IRAG1: variants seen among roughly 807,000 people sequenced by gnomAD.
IRAG1 encodes IP3R-associated cGMP kinase substrate.
A neutral mutation model predicts 106.2 loss-of-function variants in IRAG1; 62 were observed. The observed-to-expected ratio is 0.58, with a 90% CI of 0.48 to 0.72. IRAG1 has a LOEUF of 0.72. Among genes scored for constraint, IRAG1 ranks in the 30% least tolerant of loss-of-function variants. IRAG1 has a pLI of 0.00. For missense variants in IRAG1, 1,064 were observed against 1,140.7 expected, an observed-to-expected ratio of 0.93 and a Z score of 0.97; for synonymous variants, 462 against 443.9, an observed-to-expected ratio of 1.04 and a Z score of -0.51.
chr11:10,653,466 G>T (rs1374166823), intron 1 of IRAG1, among the ~76,000 whole-genome samples: 1 of 152,176 alleles, frequency 6.6e-6, no homozygotes, highest in Non-Finnish European at 1.5e-5. Flanking sequence ...CCTGCCAACA[G>T]ACCTGAGCCA....
intron 2 of IRAG1, among the ~76,000 whole-genome samples, chr11:10,638,776 G>A (rs995758492): frequency 1.3e-5 from 2 of 152,124 alleles, no homozygotes; most frequent in Non-Finnish European, 2.9e-5. Context: ...CTATTTAAAG[G>A]GGCAGGATGG....
At chr11:10,606,866 G>T in intron 11 of IRAG1, 94 bp from the exon 12 acceptor site, 2 of 1,223,842 alleles carry the variant, frequency 1.6e-6, no homozygotes, top group South Asian at 1.5e-5. Flanking sequence ...GTGTTTCCAG[G>T]GGTGGAGTAA....
chr11:10,593,668 G>T, intron 16 of IRAG1, 69 bp from the exon 17 acceptor site: 1 of 1,186,406 alleles, frequency 8.4e-7, no homozygotes, highest in Non-Finnish European at 1.2e-6. Flanking sequence ...GAAGGGCTGG[G>T]AAAAAGCCTC....
chr11:10,603,968 T>C (rs1456300014), intron 13 of IRAG1, among the ~76,000 whole-genome samples: 1 of 152,140 alleles, frequency 6.6e-6, no homozygotes, highest in Non-Finnish European at 1.5e-5. Flanking sequence ...TAAGGCCCTT[T>C]GTTACAGCAA....
chr11:10,684,472 G>A lies in IRAG1; in HGVS notation c.67+9064C>T, dbSNP rs536840332. ...GGGACTGTTGTGGGGTGGGGAGAGC[G>A]GGGAGGGAGAGCATTAGGAGATATA... On this transcript the variant is annotated intron_variant, in intron 1 of 20. Transcript: ENST00000423302. Among the ~76,000 whole-genome samples the A allele has an allele frequency of 1.2e-3, 190 of 152,082 alleles. 1 individual carries two copies. Among genetic ancestry groups the A allele is most frequent in the African/African-American group, 4.3e-3 (177 of 41,480 alleles).
chr11:10,596,148 G>A (rs141607526), intron 15 of IRAG1, among the ~76,000 whole-genome samples: 1 of 152,286 alleles, frequency 6.6e-6, no homozygotes, highest in African/African-American at 2.4e-5. Context: ...GAAAAGTGCT[G>A]CAATGAACAT....
intron 1 of IRAG1, among the ~76,000 whole-genome samples, chr11:10,667,979 G>GT (rs1185250043): frequency 2.0e-5 from 3 of 152,164 alleles, no homozygotes; most frequent in Non-Finnish European, 4.4e-5. Flanking sequence ...AAACCTCTCT[G>GT]TTTTTTCTCC....
At chr11:10,624,791 T>C (rs892547756) in intron 9 of IRAG1, among the ~76,000 whole-genome samples, 5 of 151,844 alleles carry the variant, frequency 3.3e-5, no homozygotes, top group Admixed American at 6.6e-5. Context: ...GTTAGTGACA[T>C]GGGGCCTCCA....
At chr11:10,625,882 A>AG in intron 9 of IRAG1, 84 bp downstream of exon 9, 1 of 1,270,270 alleles carries the variant, frequency 7.9e-7, no homozygotes, top group Non-Finnish European at 1.0e-6. Flanking sequence ...TGCCCTGGCC[A>AG]GGGGCCCAGA....
intron 10 of IRAG1, among the ~76,000 whole-genome samples, chr11:10,617,390 A>C (rs977241013): frequency 3.3e-5 from 5 of 152,202 alleles, no homozygotes; most frequent in African/African-American, 1.2e-4. Flanking sequence ...ACTTTTTTGA[A>C]ATTAAAAGTA....
Position 10,601,066 on chromosome 11 carries a change from G to A in IRAG1, c.1876-7C>T. 2.5e-6 allele frequency: 4 copies of A among 1,613,642 alleles called. No individual in the cohort carries two copies. Among genetic ancestry groups the A allele is most frequent in the Non-Finnish European group, 3.4e-6 (4 of 1,179,882 alleles). ...CTTTCGACATGCGCTTTTCCTGCGG[G>A]GAAGGAGCGCATGAGTGCATGAGGC... On this transcript the variant is annotated splice_polypyrimidine_tract_variant and splice_region_variant and intron_variant, in intron 14 of 20. Transcript: ENST00000423302.
At chr11:10,576,958 G>C (rs139201717) in intron 20 of IRAG1, among the ~76,000 whole-genome samples, 407 of 152,312 alleles carry the variant, frequency 2.7e-3, no homozygotes, top group African/African-American at 9.1e-3. Flanking sequence ...TACAGGATTG[G>C]TTGGCCATGC....
rs769251926 is a variant in IRAG1, at chr11:10,628,080, T to G, written c.653-55A>C. 6.9e-6 allele frequency: 11 copies of G among 1,593,036 alleles called. No homozygotes were observed. In the East Asian group the frequency reaches 2.5e-4, roughly 36 times the overall value. On this transcript the variant is annotated intron_variant, in intron 6 of 20. Coordinates refer to ENST00000423302, the MANE Select transcript of IRAG1 (RefSeq NM_130385.4). The surrounding 1 kb of genome is among the most constrained non-coding windows in gnomAD (Gnocchi z 4.1). ...GCCCAGCAGCCCAGGCCCTCAGCTG[T>G]GCTTTCAGCCACATCTCCCTCCCCG...
chr11:10,683,840 A>G (rs1023135607), intron 1 of IRAG1, among the ~76,000 whole-genome samples: 1 of 151,900 alleles, frequency 6.6e-6, no homozygotes, highest in African/African-American at 2.4e-5. Context: ...TAGAATCATG[A>G]CCAAAGAATA....
intron 1 of IRAG1, among the ~76,000 whole-genome samples, chr11:10,677,875 A>G (rs1860815735): frequency 6.6e-6 from 1 of 152,204 alleles, no homozygotes; most frequent in South Asian, 2.1e-4. Context: ...ATGCAACCAT[A>G]CAATATGTGA....
intron 15 of IRAG1, among the ~76,000 whole-genome samples, chr11:10,598,974 G>A (rs1043538460): frequency 9.8e-5 from 15 of 152,328 alleles, no homozygotes; most frequent in African/African-American, 3.4e-4. Context: ...AACAGTCATA[G>A]AGTATCTTAT....
chr11:10,656,405 T>C (rs2134955248), intron 1 of IRAG1, among the ~76,000 whole-genome samples: 3 of 152,338 alleles, frequency 2.0e-5, no homozygotes, highest in Admixed American at 2.0e-4. Context: ...ACAACTTGAC[T>C]GGTTCAGCTA....
In IRAG1 at chr11:10,691,161, G is replaced by A. The variant is rs188158572; in HGVS notation, c.67+2375C>T. Among the ~76,000 whole-genome samples, 16 of 152,280 alleles carry A rather than the reference G, an allele frequency of 1.1e-4. No homozygotes were observed. In the East Asian group the frequency reaches 3.1e-3, roughly 29 times the overall value. ...TCAAACTAGATGAATCTGATCATCA[G>A]GCACATGTACAAAATCAACCCAGGG... On this transcript the variant is annotated intron_variant, in intron 1 of 20. Transcript: ENST00000423302.
chr11:10,666,223 C>A (rs1336087464), intron 1 of IRAG1, among the ~76,000 whole-genome samples: 1 of 152,232 alleles, frequency 6.6e-6, no homozygotes, highest in African/African-American at 2.4e-5. Flanking sequence ...ACCAGGTGCT[C>A]TACCTGACTC....
Sources: gnomAD v4.1 joint callset for allele counts (sites outside exome capture counted in the v4.1 genomes callset) on GRCh38, gnomAD v4.1.1 for gene constraint, Gnocchi (gnomAD v3.1) non-coding constraint, MANE v1.5 for transcripts, NCBI Gene and HGNC (gene_info 2026-07-23, HGNC 2026-07-21) for gene names.